MSR1: variants seen among roughly 807,000 people sequenced by gnomAD.
MSR1 encodes the protein macrophage scavenger receptor 1.
In MSR1, 53 loss-of-function variants were observed where a neutral mutation model predicts 47.2. That is an observed-to-expected ratio of 1.12 (90% CI 0.90 to 1.41). The LOEUF is 1.41. MSR1 is among the 40% of genes most tolerant of loss of function. The probability of loss-of-function intolerance (pLI) is 0.00; values close to 1 mark genes in which losing one functional copy is unlikely to be tolerated. For missense variants in MSR1, 786 were observed against 546.9 expected (o/e 1.44, Z -4.36); for synonymous variants, 239 against 185.6 (o/e 1.29, Z -2.34).
intron 1 of MSR1, among the ~76,000 whole-genome samples, chr8:16,181,618 G>A (rs779027883): frequency 2.0e-5 from 3 of 151,988 alleles, no homozygotes; most frequent in Non-Finnish European, 4.4e-5. Context: ...ATGGACCCAG[G>A]GAGGGGAACA....
At chr8:16,186,793 A>AGTTACTTATTTTATTTTTT (rs142369040) in intron 1 of MSR1, among the ~76,000 whole-genome samples, 21,190 of 151,594 alleles carry the variant, frequency 0.14, 1,963 homozygotes, top group African/African-American at 0.25. Context: ...CACCATGCCC[A>AGTTACTTATTTTATTTTTT]TCTAGAGATG....
At chr8:16,118,343 G>C (rs1490631206) in intron 9 of MSR1, among the ~76,000 whole-genome samples, 2 of 152,134 alleles carry the variant, frequency 1.3e-5, no homozygotes, top group Non-Finnish European at 2.9e-5. Flanking sequence ...GATGGTAACA[G>C]TCACTTGAAA....
intron 2 of MSR1, among the ~76,000 whole-genome samples, chr8:16,176,888 G>A (rs925658131): frequency 6.6e-5 from 10 of 152,136 alleles, no homozygotes; most frequent in African/African-American, 2.4e-4. Context: ...GTTGAGGTCT[G>A]TATTTCAGGT....
At chr8:16,187,325 T>A (rs1368071112) in intron 1 of MSR1, among the ~76,000 whole-genome samples, 1 of 128,616 alleles carries the variant, frequency 7.8e-6, no homozygotes, top group Admixed American at 1.0e-4. Flanking sequence ...ATCAGGCCAC[T>A]GCACTCTAGC....
At chr8:16,123,531 T>A (rs945039306) in intron 8 of MSR1, among the ~76,000 whole-genome samples, 1 of 152,036 alleles carries the variant, frequency 6.6e-6, no homozygotes, top group African/African-American at 2.4e-5. Context: ...GGCTTTTTTT[T>A]TTTCCATTTG....
At chr8:16,124,772 A>T (rs1800091446) in intron 8 of MSR1, among the ~76,000 whole-genome samples, 1 of 152,176 alleles carries the variant, frequency 6.6e-6, no homozygotes. Context: ...ATCTGACAAG[A>T]TGCAAGTTGT....
At chr8:16,167,063 G>A (rs1281094545) in intron 4 of MSR1, among the ~76,000 whole-genome samples, 1 of 151,922 alleles carries the variant, frequency 6.6e-6, no homozygotes, top group Non-Finnish European at 1.5e-5. Flanking sequence ...CCATTCCCTT[G>A]CATTTCCTTT....
intron 5 of MSR1, among the ~76,000 whole-genome samples, chr8:16,157,599 G>C (rs73665231): frequency 0.04 from 6,110 of 151,942 alleles, 442 homozygotes; most frequent in African/African-American, 0.14. Flanking sequence ...CTAACAAAAT[G>C]TTGGAAGGAT....
At chr8:16,158,695 A>T (rs899813140) in intron 5 of MSR1, among the ~76,000 whole-genome samples, 14 of 151,834 alleles carry the variant, frequency 9.2e-5, no homozygotes, top group African/African-American at 3.4e-4. Context: ...CACTTTAAAC[A>T]TTGTTTAACT....
At position 16,180,882 on chromosome 8, in the gene MSR1, T is replaced by A. The variant is rs149070102; in HGVS notation, c.-4-2890A>T. 4.6e-3 allele frequency among the ~76,000 whole-genome samples: 694 copies of A among 152,318 alleles called. 7 individuals carry two copies. The highest frequency in any genetic ancestry group is 0.016 in the South Asian group (75 of 4,830). ...GTTGATCTGACCAAGGACTCTGTTC[T>A]TTAATGGATCTGACCACTGTGGAGA... On this transcript the variant is annotated intron_variant, in intron 1 of 9. Coordinates refer to ENST00000262101, the MANE Select transcript of MSR1 (RefSeq NM_138715.3).
Position 16,110,222 on chromosome 8 carries a change from C to T in MSR1, c.1223-4G>A. 1 of 1,613,160 alleles carries T rather than the reference C, an allele frequency of 6.2e-7. No individual in the cohort carries two copies. Among genetic ancestry groups the T allele is most frequent in the South Asian group, 1.1e-5 (1 of 91,054 alleles). On this transcript the variant is annotated splice_region_variant and splice_polypyrimidine_tract_variant and intron_variant, in intron 9 of 9. Coordinates refer to ENST00000262101, the MANE Select transcript of MSR1 (RefSeq NM_138715.3). The stretch of plus-strand genomic sequence containing the variant: ...TTCAGCCATATTGGACCAGTACCTG[C>T]AATAATGAGGTATAACTGCATTAGT...
At chr8:16,123,835 C>A (rs1329480630) in intron 8 of MSR1, among the ~76,000 whole-genome samples, 1 of 152,148 alleles carries the variant, frequency 6.6e-6, no homozygotes, top group Non-Finnish European at 1.5e-5. Flanking sequence ...AGTTAGGTAT[C>A]TGCAATAGCT....
chr8:16,166,513 T>C (rs1291743052), intron 4 of MSR1, among the ~76,000 whole-genome samples: 2 of 151,938 alleles, frequency 1.3e-5, no homozygotes, highest in African/African-American at 2.4e-5. Context: ...GGTGTTTACA[T>C]TTGTCAAATT....
At chr8:16,183,527 C>G (rs187809133) in intron 1 of MSR1, among the ~76,000 whole-genome samples, 70 of 144,190 alleles carry the variant, frequency 4.9e-4, no homozygotes, top group Non-Finnish European at 8.7e-4. Flanking sequence ...ACATCTATAA[C>G]ATGTAATACA....
At chr8:16,149,783 C>T (rs562202296) in intron 7 of MSR1, among the ~76,000 whole-genome samples, 15 of 152,192 alleles carry the variant, frequency 9.9e-5, no homozygotes, top group African/African-American at 3.4e-4. Flanking sequence ...AGTAACTTCA[C>T]AAAGTCTGGC....
Position 16,192,419 on chromosome 8 carries a change from C to T in MSR1, c.-5+179G>A, listed in dbSNP as rs568468667. On this transcript the variant is annotated intron_variant, in intron 1 of 9. Coordinates refer to ENST00000262101, the MANE Select transcript of MSR1 (RefSeq NM_138715.3). ...GCAGAAATCCCTATTTTTTGATTATCGAAAAAAACCAAACCAAATTATTGC... is the reference window on the plus strand; with the variant it reads ...GCAGAAATCCCTATTTTTTGATTATTGAAAAAAACCAAACCAAATTATTGC... Among the ~76,000 whole-genome samples, 6 of 151,766 alleles carry T rather than the reference C, an allele frequency of 4.0e-5. No individual in the cohort carries two copies. The East Asian group carries it at 5.8e-4, about 15-fold the overall frequency.
chr8:16,190,923 G>T (rs1041424960), intron 1 of MSR1, among the ~76,000 whole-genome samples: 3 of 151,988 alleles, frequency 2.0e-5, no homozygotes, highest in Admixed American at 6.6e-5. Flanking sequence ...GTTTCTCCAT[G>T]TTGGTCAGGC....
intron 4 of MSR1, among the ~76,000 whole-genome samples, chr8:16,164,910 G>A (rs1359949647): frequency 6.6e-6 from 1 of 151,652 alleles, no homozygotes; most frequent in East Asian, 1.9e-4. Context: ...CCTATATCCT[G>A]GAATATGCTT....
At chr8:16,121,669 A>G (rs1476462328) in intron 8 of MSR1, among the ~76,000 whole-genome samples, 1 of 151,720 alleles carries the variant, frequency 6.6e-6, no homozygotes, top group Non-Finnish European at 1.5e-5. Context: ...TAATAATCAT[A>G]AAAACTAATA....
Sources: gnomAD v4.1 joint callset for allele counts (sites outside exome capture counted in the v4.1 genomes callset) on GRCh38, gnomAD v4.1.1 for gene constraint, MANE v1.5 for transcripts, NCBI Gene and HGNC (gene_info 2026-07-23, HGNC 2026-07-21) for gene names.